SGCZ: variants seen among roughly 807,000 people sequenced by gnomAD.
The protein encoded by SGCZ is zeta-sarcoglycan.
A neutral mutation model predicts 41.3 loss-of-function variants in SGCZ; 40 were observed. That is an observed-to-expected ratio of 0.97 (90% confidence interval 0.75 to 1.26). The LOEUF is 1.26. SGCZ is among the 50% of genes most tolerant of loss of function. The probability of loss-of-function intolerance (pLI) is 0.00; values close to 1 mark genes in which losing one functional copy is unlikely to be tolerated. For synonymous variants in SGCZ, 206 were observed against 137.5 expected, an observed-to-expected ratio of 1.50 and a Z score of -3.49; for missense variants, 552 against 369.8, an observed-to-expected ratio of 1.49 and a Z score of -4.04.
intron 1 of SGCZ, among the ~76,000 whole-genome samples, chr8:15,175,163 G>A (rs1187632102): frequency 1.3e-5 from 2 of 151,938 alleles, no homozygotes; most frequent in South Asian, 2.1e-4. Context: ...CCACTTGACC[G>A]AGCAATCCTA....
At chr8:14,172,571 A>T (rs1220162568) in intron 4 of SGCZ, among the ~76,000 whole-genome samples, 2 of 152,142 alleles carry the variant, frequency 1.3e-5, no homozygotes, top group Non-Finnish European at 2.9e-5. Flanking sequence ...ACTGGGCAAA[A>T]TGTTTGTTGT....
At chr8:14,382,306 C>A (rs745663659) in intron 2 of SGCZ, among the ~76,000 whole-genome samples, 10 of 152,042 alleles carry the variant, frequency 6.6e-5, no homozygotes, top group Non-Finnish European at 1.3e-4. Context: ...TTTCGGTCTG[C>A]ACCAGTATTG....
chr8:14,595,000 T>C (rs1805362270), intron 1 of SGCZ, among the ~76,000 whole-genome samples: 1 of 151,964 alleles, frequency 6.6e-6, no homozygotes, highest in African/African-American at 2.4e-5. Context: ...TTATATATTT[T>C]ATATTTTTTT....
At chr8:14,664,960 G>T (rs1321088742) in intron 1 of SGCZ, among the ~76,000 whole-genome samples, 1 of 152,142 alleles carries the variant, frequency 6.6e-6, no homozygotes, top group African/African-American at 2.4e-5. Flanking sequence ...TCCTGGTCAA[G>T]CTATTTGTGA....
intron 5 of SGCZ, among the ~76,000 whole-genome samples, chr8:14,120,304 G>C (rs1802659055): frequency 6.6e-6 from 1 of 152,054 alleles, no homozygotes; most frequent in South Asian, 2.1e-4. Flanking sequence ...CATTCAAAAA[G>C]TTCATCATGA....
chr8:14,760,064 C>G (rs1799812373), intron 1 of SGCZ, among the ~76,000 whole-genome samples: 1 of 152,126 alleles, frequency 6.6e-6, no homozygotes, highest in Non-Finnish European at 1.5e-5. Flanking sequence ...CTAACTAACC[C>G]ACCACCCGCC....
intron 1 of SGCZ, among the ~76,000 whole-genome samples, chr8:14,728,191 A>C (rs1165949751): frequency 6.6e-6 from 1 of 152,196 alleles, no homozygotes; most frequent in African/African-American, 2.4e-5. Context: ...CATCGAAGCA[A>C]ACACTTGAAG....
chr8:14,190,215 T>A (rs1805051619), intron 4 of SGCZ, among the ~76,000 whole-genome samples: 1 of 151,868 alleles, frequency 6.6e-6, no homozygotes, highest in South Asian at 2.1e-4. Context: ...GGTTTCACCG[T>A]GTTAGCCAGG....
intron 1 of SGCZ, among the ~76,000 whole-genome samples, chr8:14,791,182 A>C (rs1292591283): frequency 6.6e-6 from 1 of 152,158 alleles, no homozygotes. Context: ...TTTTAACTAG[A>C]AAAATAATTA....
intron 2 of SGCZ, among the ~76,000 whole-genome samples, chr8:14,427,148 G>C (rs1048746808): frequency 6.6e-6 from 1 of 151,958 alleles, no homozygotes; most frequent in Non-Finnish European, 1.5e-5. Flanking sequence ...CATTCAAGTA[G>C]AAGCAATGTG....
At chr8:15,188,166 G>A (rs1404854341) in intron 1 of SGCZ, among the ~76,000 whole-genome samples, 3 of 151,930 alleles carry the variant, frequency 2.0e-5, no homozygotes, top group Non-Finnish European at 2.9e-5. Context: ...AAACATCATA[G>A]TTCATTCATT....
intron 1 of SGCZ, among the ~76,000 whole-genome samples, chr8:14,746,589 T>G (rs1365456394): frequency 6.6e-6 from 1 of 152,080 alleles, no homozygotes; most frequent in Non-Finnish European, 1.5e-5. Context: ...TGGGAAATAT[T>G]AAAACATTTC....
chr8:14,840,892 C>T (rs867553284), intron 1 of SGCZ, among the ~76,000 whole-genome samples: 11 of 151,918 alleles, frequency 7.2e-5, no homozygotes, highest in African/African-American at 2.4e-4. Context: ...AATAGCAACT[C>T]CCATAATAAT....
intron 1 of SGCZ, among the ~76,000 whole-genome samples, chr8:15,091,910 G>A (rs2131064017): frequency 6.6e-6 from 1 of 152,028 alleles, no homozygotes; most frequent in East Asian, 1.9e-4. Flanking sequence ...ACACCATTAT[G>A]CCTAGTTAAT....
chr8:14,673,807 T>C (rs1808185742), intron 1 of SGCZ, among the ~76,000 whole-genome samples: 1 of 152,170 alleles, frequency 6.6e-6, no homozygotes, highest in Non-Finnish European at 1.5e-5. Flanking sequence ...TAGATGCTAC[T>C]CAATTATTCT....
chr8:14,372,594 C>T (rs554554714), intron 2 of SGCZ, among the ~76,000 whole-genome samples: 12 of 152,162 alleles, frequency 7.9e-5, no homozygotes, highest in African/African-American at 2.9e-4. Flanking sequence ...CAATTTTAAG[C>T]AGATTTGTAG....
intron 1 of SGCZ, among the ~76,000 whole-genome samples, chr8:14,982,074 C>A (rs1216538465): frequency 6.6e-6 from 1 of 151,742 alleles, no homozygotes; most frequent in South Asian, 2.1e-4. Flanking sequence ...CGCTTGAACC[C>A]AGGAGGCGGA....
chr8:14,691,955 A>G (rs1379164424), intron 1 of SGCZ, among the ~76,000 whole-genome samples: 1 of 151,982 alleles, frequency 6.6e-6, no homozygotes, highest in Non-Finnish European at 1.5e-5. Context: ...AGTTTAGTAA[A>G]TTTCCATAAT....
intron 1 of SGCZ, among the ~76,000 whole-genome samples, chr8:15,068,783 C>A (rs1805244775): frequency 6.6e-6 from 1 of 152,160 alleles, no homozygotes; most frequent in Non-Finnish European, 1.5e-5. Context: ...TAAATTCTCT[C>A]ATTTAAAAAA....
Sources: gnomAD v4.1 joint callset for allele counts (sites outside exome capture counted in the v4.1 genomes callset) on GRCh38, gnomAD v4.1.1 for gene constraint, MANE v1.5 for transcripts, NCBI Gene and HGNC (gene_info 2026-07-23, HGNC 2026-07-21) for gene names.